ADAMTS16: variants seen among roughly 807,000 people sequenced by gnomAD.
ADAMTS16 encodes A disintegrin and metalloproteinase with thrombospondin motifs 16.
ADAMTS16 carries 94 observed loss-of-function variants against 145.8 expected under a neutral mutation model. The observed-to-expected ratio is 0.64, with a 90% CI of 0.55 to 0.77. ADAMTS16 has a LOEUF of 0.77. Among genes scored for constraint, ADAMTS16 ranks in the 30% least tolerant of loss-of-function variants. The pLI is 0.00. For missense variants in ADAMTS16, 1,585 were observed against 1,591.5 expected (o/e 1.00, Z 0.07); for synonymous variants, 659 against 604.3 (o/e 1.09, Z -1.33).
At position 5,182,177 on chromosome 5, in the gene ADAMTS16, A is replaced by C. The variant is rs1174482580; in HGVS notation, c.635A>C (p.His212Pro). The C allele has an allele frequency of 1.6e-5, 26 of 1,614,006 alleles. No homozygotes were observed. The highest frequency in any genetic ancestry group is 2.1e-5 in the Non-Finnish European group (25 of 1,180,030). ...CTGTACAAGAGATCCACAGAGCCCC[A>C]TGCTCCTGGGGCCAGTGAGGTCCTG... ...HVLYKRSTEPHAPGASEVLVT... is the reference protein window; with the variant it reads ...HVLYKRSTEPPAPGASEVLVT... The change falls in exon 4 of 23, where the codon CAT (histidine) becomes CCT (proline). Residue 212 changes from histidine to proline, a missense_variant. Physicochemically the swap from His to Pro is moderately conservative, Grantham distance 77. Around this residue, in one of 3 missense-constraint regions of ADAMTS16, gnomAD observed 453 missense variants for 412.1 expected, o/e 1.10. Coordinates refer to ENST00000274181, the MANE Select transcript of ADAMTS16 (RefSeq NM_139056.4).
chr5:5,218,587 G>A (rs946486797), intron 10 of ADAMTS16, among the ~76,000 whole-genome samples: 1 of 152,236 alleles, frequency 6.6e-6, no homozygotes, highest in Non-Finnish European at 1.5e-5. Flanking sequence ...TTATTCCAAG[G>A]GCAGAGGGCC....
chr5:5,189,763 A>G (rs1241691206), intron 6 of ADAMTS16, among the ~76,000 whole-genome samples: 1 of 152,228 alleles, frequency 6.6e-6, no homozygotes, highest in Non-Finnish European at 1.5e-5. Context: ...TTGTTTATGT[A>G]TGGAACCAGA....
intron 18 of ADAMTS16, among the ~76,000 whole-genome samples, chr5:5,297,659 G>C (rs1250742667): frequency 1.3e-5 from 2 of 152,190 alleles, no homozygotes; most frequent in African/African-American, 4.8e-5. Context: ...TGGTGAGACA[G>C]GAAAACCTGG....
At chr5:5,204,652 A>G (rs898653252) in intron 9 of ADAMTS16, among the ~76,000 whole-genome samples, 3 of 152,244 alleles carry the variant, frequency 2.0e-5, no homozygotes, top group Admixed American at 1.3e-4. Flanking sequence ...TACTAAATAT[A>G]TAAATATACT....
intron 17 of ADAMTS16, 128 bp from the exon 18 acceptor site, chr5:5,262,529 G>T: frequency 7.7e-7 from 1 of 1,291,992 alleles, no homozygotes; most frequent in Non-Finnish European, 1.0e-6. Context: ...TTGGCCAGTT[G>T]GTCATTAACA....
chr5:5,189,934 A>G, intron 6 of ADAMTS16, 37 bp from the exon 7 acceptor site: 1 of 1,605,374 alleles, frequency 6.2e-7, no homozygotes, highest in African/African-American at 1.3e-5. Flanking sequence ...TTTTCTCTTC[A>G]TTATCATGGG....
chr5:5,182,021 T>C (rs1219707492), intron 3 of ADAMTS16, 23 bp from the exon 4 acceptor site: 2 of 1,579,008 alleles, frequency 1.3e-6, no homozygotes, highest in Non-Finnish European at 1.7e-6. Flanking sequence ...TGTGTTTTCT[T>C]TCTTTCCTTT....
At chr5:5,208,341 C>T (rs1662403111) in intron 9 of ADAMTS16, among the ~76,000 whole-genome samples, 2 of 151,942 alleles carry the variant, frequency 1.3e-5, no homozygotes, top group African/African-American at 4.8e-5. Flanking sequence ...CAGGGAAGGG[C>T]CTATTGAAAT....
At chr5:5,208,985 A>G (rs1579312295) in intron 9 of ADAMTS16, 108 bp from the exon 10 acceptor site, 32 of 1,261,938 alleles carry the variant, frequency 2.5e-5, no homozygotes, top group Non-Finnish European at 3.3e-5. Context: ...CTCTTTGTAT[A>G]CACAATATAT....
At chr5:5,155,494 C>A (rs973223134) in intron 3 of ADAMTS16, among the ~76,000 whole-genome samples, 1 of 152,154 alleles carries the variant, frequency 6.6e-6, no homozygotes, top group Admixed American at 6.5e-5. Context: ...TATCAAAGCA[C>A]CCTAGACAAC....
chr5:5,269,035 T>A lies in ADAMTS16; in HGVS notation c.2789+6252T>A, dbSNP rs1738365249. Among the ~76,000 whole-genome samples the A allele has an allele frequency of 6.6e-6, 1 of 152,114 alleles. No individual in the cohort carries two copies. Among genetic ancestry groups the A allele is most frequent in the African/African-American group, 2.4e-5 (1 of 41,414 alleles). ...GCAGCTCAGCCACATTCTGAGCTCA[T>A]ACACACCTCACCTGTGACCTCTCGG... On this transcript the variant is annotated intron_variant, in intron 18 of 22. Coordinates refer to ENST00000274181, the MANE Select transcript of ADAMTS16 (RefSeq NM_139056.4). The surrounding 1 kb of genome is among the most constrained non-coding windows in gnomAD (Gnocchi z 4.3).
intron 3 of ADAMTS16, among the ~76,000 whole-genome samples, chr5:5,178,175 C>T (rs1735247967): frequency 6.6e-6 from 1 of 152,198 alleles, no homozygotes; most frequent in South Asian, 2.1e-4. Flanking sequence ...TAACACAACA[C>T]ATATTCGTTC....
chr5:5,215,768 G>A (rs544167802), intron 10 of ADAMTS16, among the ~76,000 whole-genome samples: 4 of 136,902 alleles, frequency 2.9e-5, no homozygotes, highest in South Asian at 2.3e-4. Context: ...TATGTATGTG[G>A]TATATATATA....
chr5:5,158,805 T>C (rs540432526), intron 3 of ADAMTS16, among the ~76,000 whole-genome samples: 1 of 152,240 alleles, frequency 6.6e-6, no homozygotes. Context: ...TAGCCTTTTG[T>C]ATCTACCGCT....
At chr5:5,257,576 G>A (rs1347455440) in intron 17 of ADAMTS16, among the ~76,000 whole-genome samples, 1 of 152,262 alleles carries the variant, frequency 6.6e-6, no homozygotes, top group African/African-American at 2.4e-5. Flanking sequence ...GAGAGGAAAT[G>A]ATGTTACTGC....
At chr5:5,225,730 T>C (rs1007343563) in intron 11 of ADAMTS16, among the ~76,000 whole-genome samples, 3 of 152,072 alleles carry the variant, frequency 2.0e-5, no homozygotes, top group African/African-American at 7.2e-5. Flanking sequence ...ATTTTACATG[T>C]GAGTGGAGGA....
At chr5:5,186,898 G>A (rs990429571) in intron 5 of ADAMTS16, among the ~76,000 whole-genome samples, 3 of 152,180 alleles carry the variant, frequency 2.0e-5, no homozygotes, top group African/African-American at 7.2e-5. Flanking sequence ...TTAAAAGTAT[G>A]TCTTTGCATT....
At chr5:5,243,247 G>A (rs1286345752) in intron 17 of ADAMTS16, among the ~76,000 whole-genome samples, 3 of 152,314 alleles carry the variant, frequency 2.0e-5, no homozygotes, top group African/African-American at 2.4e-5. Context: ...GTTAAATTAT[G>A]GATGCTGGTA....
At chr5:5,241,961 GATT>G in intron 16 of ADAMTS16, 89 bp from the exon 17 acceptor site, 2 of 1,406,132 alleles carry the variant, frequency 1.4e-6, no homozygotes, top group Non-Finnish European at 2.0e-6. Context: ...CTTGTTGATT[GATT>G]ATTGTTTTAA....
Sources: gnomAD v4.1 joint callset for allele counts (sites outside exome capture counted in the v4.1 genomes callset) on GRCh38, gnomAD v4.1.1 for gene constraint, gnomAD v4.1.1 regional missense constraint, Gnocchi (gnomAD v3.1) non-coding constraint, MANE v1.5 for transcripts, NCBI Gene and HGNC (gene_info 2026-07-23, HGNC 2026-07-21) for gene names.